EPB41L5: variants seen among roughly 807,000 people sequenced by gnomAD.
EPB41L5 encodes erythrocyte membrane protein band 4.1 like 5.
EPB41L5 carries 55 observed loss-of-function variants against 106.6 expected under a neutral mutation model. That is an observed-to-expected ratio of 0.52 (90% CI 0.42 to 0.65). The LOEUF (loss-of-function observed/expected upper bound fraction) is 0.65, where lower values mean the gene tolerates loss of function less well. EPB41L5 is among the 30% of genes least tolerant of loss of function. The probability of loss-of-function intolerance (pLI) is 0.00; values close to 1 mark genes in which losing one functional copy is unlikely to be tolerated. For synonymous variants in EPB41L5, 297 were observed against 306.7 expected, an observed-to-expected ratio of 0.97 and a Z score of 0.33; for missense variants, 871 against 882.1, an observed-to-expected ratio of 0.99 and a Z score of 0.16.
At chr2:120,029,830 G>A (rs1179236376) in intron 2 of EPB41L5, among the ~76,000 whole-genome samples, 2 of 152,148 alleles carry the variant, frequency 1.3e-5, no homozygotes, top group Non-Finnish European at 2.9e-5. Context: ...TCCCAGCCCT[G>A]CCTGCATGCA....
At chr2:120,165,222 A>G (rs886128312) in intron 22 of EPB41L5, among the ~76,000 whole-genome samples, 2 of 152,226 alleles carry the variant, frequency 1.3e-5, no homozygotes, top group Non-Finnish European at 2.9e-5. Context: ...AAAAAGTTTT[A>G]TAGAAAGATG....
At chr2:120,049,451 T>G (rs969554840) in intron 3 of EPB41L5, among the ~76,000 whole-genome samples, 2 of 152,230 alleles carry the variant, frequency 1.3e-5, no homozygotes, top group African/African-American at 4.8e-5. Context: ...TTTGTTAGTT[T>G]CAAGTCTGTT....
intron 16 of EPB41L5, among the ~76,000 whole-genome samples, chr2:120,113,108 T>C (rs1684793666): frequency 6.6e-6 from 1 of 152,250 alleles, no homozygotes; most frequent in African/African-American, 2.4e-5. Context: ...CTCCATTCTA[T>C]GTAATTGTTA....
intron 3 of EPB41L5, among the ~76,000 whole-genome samples, chr2:120,046,053 A>G (rs959170563): frequency 3.3e-5 from 3 of 89,578 alleles, no homozygotes; most frequent in African/African-American, 6.2e-5. Flanking sequence ...TAATCAGTCT[A>G]TCATTGATGG....
chr2:120,166,094 G>A (rs891295107), intron 22 of EPB41L5, among the ~76,000 whole-genome samples: 2 of 150,930 alleles, frequency 1.3e-5, no homozygotes, highest in Non-Finnish European at 2.9e-5. Flanking sequence ...GATACTGAAT[G>A]TTTGCATAGA....
chr2:120,019,285 T>A, intron 2 of EPB41L5, 21 bp downstream of exon 2: 1 of 1,591,278 alleles, frequency 6.3e-7, no homozygotes, highest in Non-Finnish European at 8.5e-7. Context: ...CTTGCTGAGC[T>A]CCAAATTCTG....
chr2:120,146,175 T>G (rs1444779820), intron 19 of EPB41L5, 50 bp from the exon 20 acceptor site: 1 of 1,127,120 alleles, frequency 8.9e-7, no homozygotes, highest in East Asian at 2.6e-5. Flanking sequence ...TTCTTGTTAC[T>G]TTAGTATCCT....
At chr2:120,073,068 A>G in intron 3 of EPB41L5, 110 bp from the exon 4 acceptor site, 1 of 907,074 alleles carries the variant, frequency 1.1e-6, no homozygotes, top group South Asian at 1.6e-5. Context: ...CTTGTGAAGT[A>G]TTTCCTTGCG....
At chr2:120,107,890 GC>G (rs1385491036) in intron 16 of EPB41L5, among the ~76,000 whole-genome samples, 1 of 152,162 alleles carries the variant, frequency 6.6e-6, no homozygotes, top group Non-Finnish European at 1.5e-5. Flanking sequence ...CCTGACAATT[GC>G]TAATGTAGTA....
chr2:120,120,460 C>T (rs1186614101), intron 16 of EPB41L5, among the ~76,000 whole-genome samples: 1 of 127,994 alleles, frequency 7.8e-6, no homozygotes, highest in Admixed American at 7.8e-5. Flanking sequence ...GGAACAAGAA[C>T]AAGAAAAAAG....
At position 120,160,904 on chromosome 2, in the gene EPB41L5, T is replaced by C; in HGVS notation, c.1817T>C (p.Val606Ala). The change falls in exon 21 of 25, where the codon GTG (valine) becomes GCG (alanine). Residue 606 changes from valine to alanine, a missense_variant. By Grantham distance (64) the Val-to-Ala change is moderately conservative. Coordinates refer to ENST00000263713, the MANE Select transcript of EPB41L5 (RefSeq NM_020909.4). The part of the protein sequence containing the change: ...TNSAVLNENN[V>A]PLPKESLETL... ...AGTGCTGTGTTAAATGAGAATAATG[T>C]GCCCCTCCCCAAAGAGTCTCTTGAG... The C allele has an allele frequency of 4.3e-6, 7 of 1,613,452 alleles. No individual in the cohort carries two copies. The highest frequency in any genetic ancestry group is 5.9e-6 in the Non-Finnish European group (7 of 1,179,386).
At chr2:120,149,931 G>A (rs1686594141) in intron 20 of EPB41L5, among the ~76,000 whole-genome samples, 1 of 122,064 alleles carries the variant, frequency 8.2e-6, no homozygotes, top group Admixed American at 1.0e-4. Context: ...GTCTTGCTCT[G>A]TCACCCAGGT....
At chr2:120,153,742 AT>A in intron 20 of EPB41L5, among the ~76,000 whole-genome samples, 1 of 152,136 alleles carries the variant, frequency 6.6e-6, no homozygotes, top group Non-Finnish European at 1.5e-5. Flanking sequence ...TCAATGTATA[AT>A]GTGTCTCTTT....
intron 20 of EPB41L5, among the ~76,000 whole-genome samples, chr2:120,150,227 T>A (rs1262923039): frequency 6.6e-6 from 1 of 152,198 alleles, no homozygotes; most frequent in Non-Finnish European, 1.5e-5. Flanking sequence ...ATTTCTCTAA[T>A]GATTAAGAAT....
intron 4 of EPB41L5, among the ~76,000 whole-genome samples, chr2:120,073,539 A>G (rs1398574987): frequency 6.6e-6 from 1 of 152,242 alleles, no homozygotes; most frequent in Non-Finnish European, 1.5e-5. Flanking sequence ...CATCTGCCCT[A>G]ATATTGAAAG....
At chr2:120,050,650 T>C (rs1680177347) in intron 3 of EPB41L5, among the ~76,000 whole-genome samples, 2 of 152,234 alleles carry the variant, frequency 1.3e-5, no homozygotes, top group Non-Finnish European at 2.9e-5. Flanking sequence ...AGCCTACTTC[T>C]CGCAACTTGT....
chr2:120,033,833 C>T (rs1304759362), intron 2 of EPB41L5, among the ~76,000 whole-genome samples: 2 of 152,084 alleles, frequency 1.3e-5, no homozygotes, highest in Non-Finnish European at 2.9e-5. Flanking sequence ...ATGGCTCACG[C>T]TTATAATCCC....
intron 3 of EPB41L5, among the ~76,000 whole-genome samples, chr2:120,043,983 C>T (rs1679601056): frequency 6.6e-6 from 1 of 150,990 alleles, no homozygotes; most frequent in Non-Finnish European, 1.5e-5. Flanking sequence ...CCTGTCTCTA[C>T]AAAAATAAAA....
Position 120,074,113 on chromosome 2 carries a change from T to C in EPB41L5, c.342T>C (p.Tyr114=). The change falls in exon 5 of 25, where the codon TAT becomes TAC. Residue 114 remains tyrosine (Y), a synonymous_variant. Coordinates refer to ENST00000263713, the MANE Select transcript of EPB41L5 (RefSeq NM_020909.4). The part of the protein sequence containing the change: ...IKKQVKIGSP[Y]CLHLRVKFYS... ...TTTAAATGACAGTTGGTTCACCCTA[T>C]TGTCTGCATCTTCGAGTTAAGTTTT... is the stretch of plus-strand genomic sequence containing the variant. 6.2e-7 allele frequency: 1 copy of C among 1,611,844 alleles called. No homozygotes were observed. The highest frequency in any genetic ancestry group is 8.5e-7 in the Non-Finnish European group (1 of 1,178,736).
Sources: gnomAD v4.1 joint callset for allele counts (sites outside exome capture counted in the v4.1 genomes callset) on GRCh38, gnomAD v4.1.1 for gene constraint, MANE v1.5 for transcripts, NCBI Gene and HGNC (gene_info 2026-07-23, HGNC 2026-07-21) for gene names.